The following PAMR1 variants were observed in gnomAD, a reference collection of about 807,000 sequenced individuals.
The protein encoded by PAMR1 is peptidase domain containing associated with muscle regeneration 1.
A neutral mutation model predicts 81.8 loss-of-function variants in PAMR1; 88 were observed. The observed-to-expected ratio is 1.08, with a 90% CI of 0.91 to 1.28. The LOEUF (loss-of-function observed/expected upper bound fraction) is 1.28, where lower values mean the gene tolerates loss of function less well. Among genes scored for constraint, PAMR1 ranks in the 50% most tolerant of loss-of-function variants. The probability of loss-of-function intolerance (pLI) is 0.00; values close to 1 mark genes in which losing one functional copy is unlikely to be tolerated. For missense variants in PAMR1, 935 were observed against 919.7 expected, an observed-to-expected ratio of 1.02 and a Z score of -0.21; for synonymous variants, 336 against 345.3, an observed-to-expected ratio of 0.97 and a Z score of 0.30.
upstream of PAMR1, among the ~76,000 whole-genome samples, chr11:35,526,873 T>C (rs1201045795): frequency 3.9e-5 from 6 of 152,268 alleles, no homozygotes; most frequent in East Asian, 1.2e-3. Flanking sequence ...GTTACCCCCA[T>C]AAAAGTTTTA....
intron 6 of PAMR1, among the ~76,000 whole-genome samples, chr11:35,457,005 T>C (rs1303449112): frequency 6.6e-6 from 1 of 152,212 alleles, no homozygotes; most frequent in Non-Finnish European, 1.5e-5. Context: ...TTAGTCAGCA[T>C]TGATCAAAGG....
At chr11:35,480,820 C>T (rs1468899524) in intron 3 of PAMR1, among the ~76,000 whole-genome samples, 1 of 152,138 alleles carries the variant, frequency 6.6e-6, no homozygotes, top group Non-Finnish European at 1.5e-5. Context: ...GCCCTGCATG[C>T]ATTAGATATT....
intron 1 of PAMR1, among the ~76,000 whole-genome samples, chr11:35,499,066 G>A (rs1478216621): frequency 6.6e-6 from 1 of 152,178 alleles, no homozygotes; most frequent in Non-Finnish European, 1.5e-5. Flanking sequence ...CAGAGGTGCT[G>A]AATAAATATC....
Position 35,470,646 on chromosome 11 carries a change from A to G in PAMR1, c.667T>C (p.Ser223Pro). 1 of 1,614,182 alleles carries G rather than the reference A, an allele frequency of 6.2e-7. No homozygotes were observed. Among genetic ancestry groups the G allele is most frequent in the Non-Finnish European group, 8.5e-7 (1 of 1,180,022 alleles). The stretch of plus-strand genomic sequence containing the variant: ...GCATGGAAACCGTCAAAATTCTTGG[A>G]GCCATCGGAGTGGAAGAGGACGTGG... ...SLHVLFHSDG[S>P]KNFDGFHAIY... is the part of the protein sequence containing the mutation. Residue 223 changes from serine (S) to proline (P), a missense_variant, in exon 5 of 11, where the codon TCC becomes CCC. Ser to Pro is a moderately conservative substitution (Grantham distance 74). Coordinates refer to ENST00000619888, the MANE Select transcript of PAMR1 (RefSeq NM_001001991.3).
chr11:35,461,599 T>G (rs1197631726), intron 6 of PAMR1, among the ~76,000 whole-genome samples: 1 of 148,474 alleles, frequency 6.7e-6, no homozygotes, highest in Non-Finnish European at 1.5e-5. Flanking sequence ...AAGAAAACTT[T>G]TCCCCAAAAT....
Position 35,522,024 on chromosome 11 carries a change from A to G in PAMR1, c.73+3489T>C, listed in dbSNP as rs535524120. Among the ~76,000 whole-genome samples, 29 of 151,908 alleles carry G rather than the reference A, an allele frequency of 1.9e-4. 1 individual carries two copies. The highest frequency in any genetic ancestry group is 1.0e-3 in the South Asian group (5 of 4,792). On this transcript the variant is annotated intron_variant, in intron 1 of 10. Coordinates refer to ENST00000619888, the MANE Select transcript of PAMR1 (RefSeq NM_001001991.3). ...TGCAAGCTCCACCTCCCAGGTTCAC[A>G]CCATTCTCCTGCCTCAGCCTCCCGA... is the stretch of plus-strand genomic sequence containing the variant.
At chr11:35,528,902 G>A (rs2135433984), upstream of PAMR1, 1 of 152,348 alleles carries the variant, frequency 6.6e-6, no homozygotes, top group Middle Eastern at 3.4e-3. Context: ...GCTCTGCAAA[G>A]GTGGAGGATG....
At chr11:35,491,953 T>C in intron 3 of PAMR1, 92 bp downstream of exon 3, 1 of 1,213,380 alleles carries the variant, frequency 8.2e-7, no homozygotes, top group Admixed American at 2.7e-5. Context: ...TTTCCAAAAC[T>C]CAGATTCCAA....
chr11:35,469,959 C>G (rs1856821289), intron 5 of PAMR1, among the ~76,000 whole-genome samples: 1 of 152,146 alleles, frequency 6.6e-6, no homozygotes, highest in Non-Finnish European at 1.5e-5. Context: ...GCAAGAGTTA[C>G]AGTCAGGCTT....
intron 9 of PAMR1, 110 bp from the exon 10 acceptor site, chr11:35,434,914 T>C: frequency 5.1e-6 from 5 of 972,724 alleles, no homozygotes. Flanking sequence ...TGTATGGGCA[T>C]GATGACCACT....
At chr11:35,470,294 G>A (rs1565340217) in intron 5 of PAMR1, among the ~76,000 whole-genome samples, 1 of 152,206 alleles carries the variant, frequency 6.6e-6, no homozygotes, top group Non-Finnish European at 1.5e-5. Context: ...GAGCTCTAGA[G>A]CCGAACAGCT....
chr11:35,475,659 G>T (rs952262288), intron 3 of PAMR1, among the ~76,000 whole-genome samples: 12 of 152,148 alleles, frequency 7.9e-5, no homozygotes, highest in African/African-American at 2.7e-4. Context: ...TGAAATAAAT[G>T]ATATTCTCTA....
chr11:35,492,158 T>G lies in PAMR1; in HGVS notation c.266A>C (p.Glu89Ala), dbSNP rs143549343. 9.5e-5 allele frequency: 154 copies of G among 1,614,142 alleles called. No individual in the cohort carries two copies. In the Middle Eastern group the frequency reaches 9.9e-4, roughly 10 times the overall value. ...GCCATTTCGGCAGCTCTTGCAGTTT[T>G]CAAAGATGGTACAACCTGAAACATT... is the stretch of plus-strand genomic sequence containing the variant. ...CLIHPGCTIF[E>A]NCKSCRNGSW... The change falls in exon 3 of 11, where the codon GAA becomes GCA. Residue 89 changes from glutamate to alanine, a missense_variant. Glu to Ala is a moderately radical substitution (Grantham distance 107). Transcript: ENST00000619888.
intron 1 of PAMR1, among the ~76,000 whole-genome samples, chr11:35,518,909 T>C (rs1278634414): frequency 1.3e-5 from 2 of 152,170 alleles, no homozygotes; most frequent in Non-Finnish European, 2.9e-5. Context: ...TAGCTAAATG[T>C]GTTCCTCACT....
intron 3 of PAMR1, among the ~76,000 whole-genome samples, chr11:35,482,075 A>G (rs1427297784): frequency 4.6e-5 from 7 of 152,160 alleles, no homozygotes; most frequent in African/African-American, 1.4e-4. Context: ...TTTTGATGCA[A>G]TTGCTTTTGG....
In PAMR1 at chr11:35,459,047, G is replaced by A. The variant is rs1406676680; in HGVS notation, c.820+8954C>T. ...CCCTGATGTTTTCCAGCCCTCTGGG[G>A]GTGTGAATGAGAAATTCTCATTCTC... On this transcript the variant is annotated intron_variant, in intron 6 of 10. Transcript: ENST00000619888. Among the ~76,000 whole-genome samples the A allele has an allele frequency of 3.9e-5, 6 of 152,170 alleles. No homozygotes were observed. The East Asian group carries it at 5.8e-4, about 15-fold the overall frequency.
intron 6 of PAMR1, among the ~76,000 whole-genome samples, chr11:35,459,220 C>A (rs1224042741): frequency 1.3e-5 from 2 of 152,146 alleles, no homozygotes; most frequent in Admixed American, 1.3e-4. Context: ...TACCACTTTT[C>A]CGGTATTTGG....
At position 35,435,987 on chromosome 11, in the gene PAMR1, G is replaced by T; in HGVS notation, c.1249C>A (p.Pro417Thr). 1 of 1,614,208 alleles carries T rather than the reference G, an allele frequency of 6.2e-7. No individual in the cohort carries two copies. The highest frequency in any genetic ancestry group is 8.5e-7 in the Non-Finnish European group (1 of 1,180,040). The change falls in exon 9 of 11, where the codon CCC becomes ACC. Residue 417 changes from proline to threonine, a missense_variant. By Grantham distance (38) the Pro-to-Thr change is conservative (BLOSUM62 -1). Transcript: ENST00000619888. ...CTGCTGCCCAGGCGGCGGTAGAAGG[G>T]TGAGATGCACTCATACTGGAGCTGG... ...HTQLQYECIS[P>T]FYRRLGSSRR...
chr11:35,508,155 T>C (rs1039860556), intron 1 of PAMR1, among the ~76,000 whole-genome samples: 22 of 152,192 alleles, frequency 1.4e-4, no homozygotes, highest in African/African-American at 5.3e-4. Context: ...CAATGGTTCC[T>C]GTGCACTTTG....
Sources: allele counts gnomAD v4.1 joint callset (sites outside exome capture counted in the v4.1 genomes callset), GRCh38; gene constraint gnomAD v4.1.1; transcripts MANE v1.5; gene names NCBI Gene and HGNC (gene_info 2026-07-23, HGNC 2026-07-21).